The following GPR160 variants were observed in gnomAD, a reference collection of about 807,000 sequenced individuals.
The protein encoded by GPR160 is G protein-coupled receptor 160, also known as probable G protein-coupled receptor 160.
GPR160 carries 2 observed loss-of-function variants against 2.6 expected under a neutral mutation model. The ratio of observed to expected loss-of-function variants is 0.77; its 90% CI spans 0.32 to 2.44. The LOEUF is 2.44. Ranked by LOEUF, GPR160 falls within the 30% of genes most tolerant of loss-of-function variation. GPR160 has a pLI of 0.11. For missense variants in GPR160, 351 were observed against 383.6 expected (o/e 0.91, Z 0.71); for synonymous variants, 130 against 132.2 (o/e 0.98, Z 0.12).
At chr3:170,063,552 CAAAAAAAAA>C (rs528295183) in intron 2 of GPR160, among the ~76,000 whole-genome samples, 2 of 78,926 alleles carry the variant, frequency 2.5e-5, no homozygotes, top group African/African-American at 6.0e-5. Context: ...ACAAAAAAAG[CAAAAAAAAA>C]AAAAAAAAAA....
intron 2 of GPR160, among the ~76,000 whole-genome samples, chr3:170,067,414 T>C (rs1170423548): frequency 6.6e-6 from 1 of 152,232 alleles, no homozygotes; most frequent in Non-Finnish European, 1.5e-5. Context: ...ATTTCAATAT[T>C]GGGATTTTGA....
At chr3:170,040,590 C>T (rs780062074) in intron 2 of GPR160, among the ~76,000 whole-genome samples, 1 of 152,096 alleles carries the variant, frequency 6.6e-6, no homozygotes, top group African/African-American at 2.4e-5. Flanking sequence ...TCCGGTCGGG[C>T]GGATTGTATA....
rs1239935248 is a variant in GPR160, at chr3:170,084,542, G to T, written c.570G>T (p.Val190=). The change falls in exon 4 of 4, where the codon GTG becomes GTT. Residue 190 remains valine, a synonymous_variant. Coordinates refer to ENST00000355897, the MANE Select transcript of GPR160 (RefSeq NM_014373.3). The part of the protein sequence containing the change: ...IQSYWLSFFM[V]MILFVAFITC... ...GTTACTGGCTGTCATTTTTCATGGT[G>T]ATGATTTTATTTGTAGCTTTCATAA... is the stretch of plus-strand genomic sequence containing the variant. 2 of 1,612,208 alleles carry T rather than the reference G, an allele frequency of 1.2e-6. No homozygotes were observed. The highest frequency in any genetic ancestry group is 2.2e-5 in the South Asian group (2 of 91,046).
rs369808304 is a variant in GPR160, at chr3:170,085,038, C to G, written c.*49C>G. On this transcript the variant is annotated 3_prime_UTR_variant, in exon 4 of 4. Coordinates refer to ENST00000355897, the MANE Select transcript of GPR160 (RefSeq NM_014373.3). ...TGTCATAAGATCATAATTTTATGAA[C>G]AGAAAGAACTCAGGACATATTAAAA... The G allele has an allele frequency of 7.8e-6, 8 of 1,025,742 alleles. No homozygotes were observed. The highest frequency in any genetic ancestry group is 9.7e-6 in the Non-Finnish European group (7 of 719,760). The allele number at this position is 1,025,742 out of a possible 1,614,324, so 63.5% of individuals were successfully genotyped here. A position where few individuals can be genotyped will look rare whatever the true frequency, so the allele number is the denominator to read the frequency against.
intron 2 of GPR160, among the ~76,000 whole-genome samples, chr3:170,040,546 C>CA (rs1239188983): frequency 6.6e-6 from 1 of 152,128 alleles, no homozygotes; most frequent in Non-Finnish European, 1.5e-5. Context: ...TTTTTTTACA[C>CA]AAAGGGCATT....
In GPR160 at chr3:170,066,342, T is replaced by C. The variant is rs930072872; in HGVS notation, c.-192-13432T>C. 4.0e-5 allele frequency among the ~76,000 whole-genome samples: 6 copies of C among 151,874 alleles called. No homozygotes were observed. The East Asian group carries it at 9.7e-4, about 24-fold the overall frequency. On this transcript the variant is annotated intron_variant, in intron 2 of 3. Coordinates refer to ENST00000355897, the MANE Select transcript of GPR160 (RefSeq NM_014373.3). ...TTTTTAGTAGAGACGGGTTTCACCA[T>C]GTTAGCCAGGATGGTCTCAATCTCC...
chr3:170,081,845 G>A (rs1395851153), intron 3 of GPR160, among the ~76,000 whole-genome samples: 3 of 152,086 alleles, frequency 2.0e-5, no homozygotes, highest in Admixed American at 6.6e-5. Flanking sequence ...CTGTTCCTGC[G>A]TTAGTTTGCT....
chr3:170,083,977 C>T lies in GPR160; in HGVS notation c.5C>T (p.Thr2Ile). 6.9e-7 allele frequency: 1 copy of T among 1,453,084 alleles called. No individual in the cohort carries two copies. 90.0% of individuals were successfully genotyped at this position (1,453,084 alleles called of 1,614,324 possible). The part of the protein sequence containing the change: M[T>I]ALSSENCSFQ... ...TCTTGAAATTTAACTAAAAATATGA[C>T]TGCTCTCTCTTCAGAGAACTGCTCT... The change falls in exon 4 of 4, where the codon ACT becomes ATT. Residue 2 changes from threonine to isoleucine, a missense_variant. Thr to Ile is a moderately conservative substitution (Grantham distance 89). Coordinates refer to ENST00000355897, the MANE Select transcript of GPR160 (RefSeq NM_014373.3).
intron 2 of GPR160, among the ~76,000 whole-genome samples, chr3:170,071,475 C>G (rs1712590889): frequency 6.6e-6 from 1 of 152,112 alleles, no homozygotes; most frequent in African/African-American, 2.4e-5. Flanking sequence ...TCCTGTGTAG[C>G]CTGCAGAACT....
intron 2 of GPR160, among the ~76,000 whole-genome samples, chr3:170,078,143 T>G (rs1712958192): frequency 6.6e-6 from 1 of 152,190 alleles, no homozygotes; most frequent in Non-Finnish European, 1.5e-5. Context: ...TAACCCATAG[T>G]TCCCAGAAGA....
At chr3:170,051,432 A>G (rs1356385531) in intron 2 of GPR160, among the ~76,000 whole-genome samples, 1 of 152,164 alleles carries the variant, frequency 6.6e-6, no homozygotes, top group African/African-American at 2.4e-5. Context: ...TTTATCAAAT[A>G]TATGGTTTGG....
intron 2 of GPR160, among the ~76,000 whole-genome samples, chr3:170,058,883 A>C (rs978982551): frequency 1.2e-4 from 18 of 152,236 alleles, no homozygotes; most frequent in Admixed American, 1.0e-3. Flanking sequence ...TAAAAAATTA[A>C]AAAGGAAGAT....
At chr3:170,039,509 G>C (rs1716354479) in intron 2 of GPR160, among the ~76,000 whole-genome samples, 1 of 152,214 alleles carries the variant, frequency 6.6e-6, no homozygotes, top group African/African-American at 2.4e-5. Flanking sequence ...AGGGGTTCGA[G>C]ACCAGCCTGG....
chr3:170,047,569 T>C (rs1716777421), intron 2 of GPR160, among the ~76,000 whole-genome samples: 1 of 152,192 alleles, frequency 6.6e-6, no homozygotes, highest in Admixed American at 6.5e-5. Context: ...AAATTTATCA[T>C]TATGACGATA....
At chr3:170,083,779 CAT>C in intron 3 of GPR160, 124 bp from the exon 4 acceptor site, 1 of 413,300 alleles carries the variant, frequency 2.4e-6, no homozygotes, top group East Asian at 3.6e-5. Context: ...TATTATGTGA[CAT>C]ATAATTCTTA....
chr3:170,080,722 G>A (rs572506873), intron 3 of GPR160, among the ~76,000 whole-genome samples: 1 of 152,170 alleles, frequency 6.6e-6, no homozygotes, highest in South Asian at 2.1e-4. Flanking sequence ...TTCTTTTTGC[G>A]ACAGAGTGTC....
intron 2 of GPR160, among the ~76,000 whole-genome samples, chr3:170,051,915 G>A (rs989044187): frequency 2.0e-5 from 3 of 151,980 alleles, no homozygotes; most frequent in African/African-American, 7.3e-5. Context: ...CCTTATACAA[G>A]TCTTGTGGAC....
rs570891884 is a variant in GPR160, at chr3:170,074,138, C to T, written c.-192-5636C>T. Among the ~76,000 whole-genome samples the T allele has an allele frequency of 2.3e-4, 35 of 152,188 alleles. No homozygotes were observed. The South Asian group carries it at 5.0e-3, about 22-fold the overall frequency. ...TCCTGACCTTAGGTGATCCGCTGGC[C>T]TCAGCCTCCCAAAGTGCTGGGATTA... On this transcript the variant is annotated intron_variant, in intron 2 of 3. Coordinates refer to ENST00000355897, the MANE Select transcript of GPR160 (RefSeq NM_014373.3).
At chr3:170,058,553 G>A (rs922716064) in intron 2 of GPR160, among the ~76,000 whole-genome samples, 1 of 152,166 alleles carries the variant, frequency 6.6e-6, no homozygotes, top group African/African-American at 2.4e-5. Context: ...AAACACAAGA[G>A]AGTATTATCT....
Sources: allele counts gnomAD v4.1 joint callset (sites outside exome capture counted in the v4.1 genomes callset), GRCh38; gene constraint gnomAD v4.1.1; transcripts MANE v1.5; gene names NCBI Gene and HGNC (gene_info 2026-07-23, HGNC 2026-07-21).